MAP7: variants seen among roughly 807,000 people sequenced by gnomAD.
MAP7 encodes the protein microtubule associated protein 7, also known as ensconsin.
Under a neutral mutation model 94.8 loss-of-function variants are expected in MAP7, and 52 were observed. That is an observed-to-expected ratio of 0.55 (90% CI 0.44 to 0.69). The LOEUF (loss-of-function observed/expected upper bound fraction) is 0.69, where lower values mean the gene tolerates loss of function less well. MAP7 is among the 30% of genes least tolerant of loss of function. The probability of loss-of-function intolerance (pLI) is 0.00; values close to 1 mark genes in which losing one functional copy is unlikely to be tolerated. For missense variants in MAP7, 940 were observed against 964.6 expected (o/e 0.97, Z 0.34); for synonymous variants, 350 against 357.0 (o/e 0.98, Z 0.22).
chr6:136,416,467 A>C (rs1347390996), intron 2 of MAP7, among the ~76,000 whole-genome samples: 1 of 152,084 alleles, frequency 6.6e-6, no homozygotes, highest in African/African-American at 2.4e-5. Flanking sequence ...ACCCCCACTT[A>C]TTTTCCCCTG....
chr6:136,360,087 G>T, intron 13 of MAP7, 56 bp from the exon 14 acceptor site: 1 of 1,373,096 alleles, frequency 7.3e-7, no homozygotes, highest in South Asian at 1.2e-5. Context: ...AAGCCAGCCT[G>T]GCATATTTAA....
intron 1 of MAP7, among the ~76,000 whole-genome samples, chr6:136,503,194 C>T (rs1159441471): frequency 6.6e-6 from 1 of 152,160 alleles, no homozygotes; most frequent in East Asian, 1.9e-4. Context: ...CCAAATGGTG[C>T]CTTCTCCCTT....
intron 3 of MAP7, among the ~76,000 whole-genome samples, chr6:136,405,782 T>C (rs1052849754): frequency 1.3e-5 from 2 of 152,108 alleles, no homozygotes; most frequent in African/African-American, 2.4e-5. Flanking sequence ...GTGGCAGCAG[T>C]GGTGGTTGTG....
intron 1 of MAP7, among the ~76,000 whole-genome samples, chr6:136,511,657 G>A (rs538192172): frequency 4.1e-4 from 63 of 152,246 alleles, no homozygotes; most frequent in African/African-American, 1.4e-3. Flanking sequence ...CACTTTCCAC[G>A]ATATTTCCTA....
chr6:136,510,331 A>G (rs1822883093), intron 1 of MAP7, among the ~76,000 whole-genome samples: 1 of 152,180 alleles, frequency 6.6e-6, no homozygotes, highest in South Asian at 2.1e-4. Flanking sequence ...TCTCACAGTA[A>G]CACTCCACAG....
intron 1 of MAP7, among the ~76,000 whole-genome samples, chr6:136,470,154 A>C (rs970519738): frequency 2.2e-4 from 33 of 152,128 alleles, no homozygotes; most frequent in African/African-American, 7.7e-4. Context: ...TCAAATCTGC[A>C]ATCTGACACC....
rs75672012 is a variant in MAP7, at chr6:136,496,154, G to A, written c.67+54188C>T. Among the ~76,000 whole-genome samples, 21 of 152,288 alleles carry A rather than the reference G, an allele frequency of 1.4e-4. No homozygotes were observed. In the East Asian group the frequency reaches 4.0e-3, roughly 29 times the overall value. On this transcript the variant is annotated intron_variant, in intron 1 of 17. Coordinates refer to ENST00000354570, the MANE Select transcript of MAP7 (RefSeq NM_003980.6). ...CTCCCTACCCCAGGGTGGGGCAAAG[G>A]GAAATTAACTATTTGCAAAAAAATT...
intron 1 of MAP7, among the ~76,000 whole-genome samples, chr6:136,423,410 T>C (rs1028437491): frequency 6.6e-6 from 1 of 152,176 alleles, no homozygotes; most frequent in Middle Eastern, 3.2e-3. Flanking sequence ...TATTTTTAGC[T>C]CTCTTCAGGA....
At chr6:136,438,922 CA>C (rs903353507) in intron 1 of MAP7, among the ~76,000 whole-genome samples, 32 of 151,966 alleles carry the variant, frequency 2.1e-4, no homozygotes, top group African/African-American at 7.7e-4. Flanking sequence ...ATAGTAGATA[CA>C]AATGTTTCAA....
chr6:136,363,829 C>G (rs1459048533), intron 10 of MAP7, among the ~76,000 whole-genome samples: 2 of 152,112 alleles, frequency 1.3e-5, no homozygotes, highest in Non-Finnish European at 2.9e-5. Context: ...ATTTAACTGG[C>G]CACCCTGTGT....
intron 1 of MAP7, among the ~76,000 whole-genome samples, chr6:136,547,775 A>T (rs1829843564): frequency 6.6e-6 from 1 of 152,148 alleles, no homozygotes. Context: ...GAACGGTCTC[A>T]TTTCATAGGC....
At chr6:136,403,890 T>G (rs1028909387) in intron 3 of MAP7, among the ~76,000 whole-genome samples, 9 of 152,242 alleles carry the variant, frequency 5.9e-5, no homozygotes, top group Middle Eastern at 3.2e-3. Flanking sequence ...TTTAGGTCCC[T>G]CAGCTGTTAA....
chr6:136,402,041 A>C (rs955603662), intron 3 of MAP7, among the ~76,000 whole-genome samples: 2 of 151,934 alleles, frequency 1.3e-5, no homozygotes, highest in African/African-American at 4.8e-5. Flanking sequence ...TCCCTGTCCA[A>C]CCCCTTGGAC....
chr6:136,420,394 G>A (rs1442803415), intron 2 of MAP7: 2 of 539,004 alleles, frequency 3.7e-6, no homozygotes, highest in Non-Finnish European at 6.6e-6. Context: ...AGGAGGCCAG[G>A]GGAACTCAGC....
intron 1 of MAP7, among the ~76,000 whole-genome samples, chr6:136,434,796 AG>A (rs1038639423): frequency 9.9e-5 from 15 of 152,210 alleles, no homozygotes; most frequent in Admixed American, 9.8e-4. Flanking sequence ...CAACTCTCAA[AG>A]GCACAAAGTG....
chr6:136,352,752 C>T (rs1476393361), intron 16 of MAP7, among the ~76,000 whole-genome samples: 1 of 152,140 alleles, frequency 6.6e-6, no homozygotes, highest in African/African-American at 2.4e-5. Flanking sequence ...ACCCATAAAA[C>T]TATGAAGGGT....
chr6:136,509,704 C>G (rs1194744160), intron 1 of MAP7, among the ~76,000 whole-genome samples: 1 of 152,116 alleles, frequency 6.6e-6, no homozygotes, highest in Non-Finnish European at 1.5e-5. Flanking sequence ...GGAATACATA[C>G]ATGCACCACC....
At chr6:136,537,910 T>C (rs543576819) in intron 1 of MAP7, among the ~76,000 whole-genome samples, 38 of 151,976 alleles carry the variant, frequency 2.5e-4, no homozygotes, top group Non-Finnish European at 1.9e-4. Context: ...GCATCCCGAG[T>C]AGCTGGGATT....
intron 1 of MAP7, among the ~76,000 whole-genome samples, chr6:136,543,872 T>A (rs1393115257): frequency 6.6e-6 from 1 of 151,866 alleles, no homozygotes; most frequent in Non-Finnish European, 1.5e-5. Flanking sequence ...ACCTATACAG[T>A]CAACAAAACT....
Sources: gnomAD v4.1 joint callset for allele counts (sites outside exome capture counted in the v4.1 genomes callset) on GRCh38, gnomAD v4.1.1 for gene constraint, MANE v1.5 for transcripts, NCBI Gene and HGNC (gene_info 2026-07-23, HGNC 2026-07-21) for gene names.